The following KLF8 variants were observed in gnomAD, a reference collection of about 807,000 sequenced individuals.
KLF8 encodes the protein Krueppel-like factor 8.
A neutral mutation model predicts 18.2 loss-of-function variants in KLF8; 10 were observed. That is an observed-to-expected ratio of 0.55 (90% CI 0.34 to 0.93). KLF8 has a LOEUF of 0.93. Ranked by LOEUF, KLF8 falls within the 40% of genes least tolerant of loss-of-function variation. The pLI, the probability that KLF8 is intolerant of heterozygous loss-of-function variation, is 0.02. For synonymous variants in KLF8, 109 were observed against 97.3 expected (o/e 1.12, Z -0.71); for missense variants, 264 against 277.9 (o/e 0.95, Z 0.36).
At chrX:56,134,164 A>AT in the KLF8 span, among the ~76,000 whole-genome samples, 2 of 111,621 alleles carry the variant, frequency 1.8e-5, no homozygotes, top group African/African-American at 6.5e-5. Context: ...AGAAAAAACA[A>AT]TCTTAAAATT....
At chrX:56,027,681 C>G in the KLF8 span, among the ~76,000 whole-genome samples, 2 of 111,999 alleles carry the variant, frequency 1.8e-5, no homozygotes, top group African/African-American at 6.5e-5. Flanking sequence ...GAAGCTGCTC[C>G]CGTCTACGTA....
At chrX:56,152,843 C>T in the KLF8 span, among the ~76,000 whole-genome samples, 2 of 112,010 alleles carry the variant, frequency 1.8e-5, no homozygotes, top group Non-Finnish European at 3.8e-5. Context: ...CCTTACTATG[C>T]CCAGTAAGCC....
the KLF8 span, among the ~76,000 whole-genome samples, chrX:56,198,344 G>A: frequency 1.9e-4 from 21 of 111,816 alleles, no homozygotes; most frequent in South Asian, 3.8e-4. Flanking sequence ...TAACCCCATC[G>A]TCTCAGCCCA....
chrX:56,188,592 A>G, the KLF8 span, among the ~76,000 whole-genome samples: 8 of 112,136 alleles, frequency 7.1e-5, no homozygotes, highest in South Asian at 3.7e-4. Flanking sequence ...ACAAAGCTGG[A>G]GGCATCATGC....
At chrX:56,230,452 T>C (rs1283645148), upstream of KLF8, among the ~76,000 whole-genome samples, 1 of 112,090 alleles carries the variant, frequency 8.9e-6, no homozygotes, top group East Asian at 2.8e-4. Flanking sequence ...CACTTCTCTG[T>C]ATGATTCCAT....
chrX:56,126,412 C>T, the KLF8 span, among the ~76,000 whole-genome samples: 2 of 112,126 alleles, frequency 1.8e-5, no homozygotes, highest in Non-Finnish European at 3.8e-5. Flanking sequence ...ACTAATCACT[C>T]CTCGTCTATC....
At chrX:55,998,321 G>C in the KLF8 span, among the ~76,000 whole-genome samples, 2 of 111,202 alleles carry the variant, frequency 1.8e-5, no homozygotes, top group Non-Finnish European at 3.8e-5. Context: ...GACCCTTTAC[G>C]GGTGTCGGGC....
At chrX:55,938,053 A>C in the KLF8 span, among the ~76,000 whole-genome samples, 3 of 110,978 alleles carry the variant, frequency 2.7e-5, no homozygotes, top group African/African-American at 9.8e-5. Context: ...GAGAAGAGCA[A>C]CTCCAAGACA....
chrX:55,949,379 T>A, the KLF8 span, among the ~76,000 whole-genome samples: 2 of 100,842 alleles, frequency 2.0e-5, no homozygotes, highest in South Asian at 4.7e-4. Flanking sequence ...GTGTGTGTGA[T>A]GCTTTTAAAA....
the KLF8 span, among the ~76,000 whole-genome samples, chrX:56,115,435 T>C: frequency 1.8e-5 from 2 of 111,851 alleles, no homozygotes; most frequent in African/African-American, 6.5e-5. Context: ...ATTTTTGTTA[T>C]TGAGTCTAGG....
At chrX:56,261,281 C>T (rs2066880058) in intron 2 of KLF8, among the ~76,000 whole-genome samples, 1 of 111,615 alleles carries the variant, frequency 9.0e-6, no homozygotes, top group South Asian at 3.7e-4. Flanking sequence ...CAAACCACCC[C>T]TAAGTTTCTT....
At chrX:55,999,285 A>ATTT in the KLF8 span, among the ~76,000 whole-genome samples, 3 of 33,574 alleles carry the variant, frequency 8.9e-5, 1 homozygote, top group Admixed American at 4.7e-4. Context: ...ATGCCTCCAG[A>ATTT]TTTTTTTTTT....
At chrX:55,965,452 C>A in the KLF8 span, among the ~76,000 whole-genome samples, 23 of 111,507 alleles carry the variant, frequency 2.1e-4, no homozygotes, top group Admixed American at 1.9e-3. Context: ...ATTGCTGGAC[C>A]CCTTCCCCCT....
At chrX:56,031,535 C>T in the KLF8 span, among the ~76,000 whole-genome samples, 34 of 111,883 alleles carry the variant, frequency 3.0e-4, no homozygotes, top group East Asian at 8.4e-3. Context: ...GGGCTTGCCA[C>T]ACACTGCTCT....
chrX:56,064,398 G>T, the KLF8 span, among the ~76,000 whole-genome samples: 1 of 107,808 alleles, frequency 9.3e-6, no homozygotes, highest in African/African-American at 3.4e-5. Flanking sequence ...ACTTTTACTA[G>T]ATACGCATTT....
intron 5 of KLF8, among the ~76,000 whole-genome samples, chrX:56,279,470 G>A (rs748633866): frequency 5.4e-5 from 6 of 112,013 alleles, no homozygotes; most frequent in African/African-American, 9.7e-5. Context: ...TGTAAAAAGC[G>A]TGGCAAAAGA....
the KLF8 span, among the ~76,000 whole-genome samples, chrX:56,190,166 T>G: frequency 9.0e-6 from 1 of 111,122 alleles, no homozygotes; most frequent in Non-Finnish European, 1.9e-5. Flanking sequence ...GAAACATAAA[T>G]AAGCCACCAG....
At chrX:56,157,998 C>T in the KLF8 span, among the ~76,000 whole-genome samples, 4 of 111,587 alleles carry the variant, frequency 3.6e-5, no homozygotes, top group South Asian at 3.7e-4. Flanking sequence ...GCCTAGGTTT[C>T]CTTCTAGGGT....
the KLF8 span, among the ~76,000 whole-genome samples, chrX:56,107,767 C>G: frequency 3.0e-3 from 330 of 111,202 alleles, 3 homozygotes; most frequent in African/African-American, 0.011. Flanking sequence ...AACCAGGTAC[C>G]TCAGTTGGAA....
Sources: gnomAD v4.1 joint callset for allele counts (sites outside exome capture counted in the v4.1 genomes callset) on GRCh38, gnomAD v4.1.1 for gene constraint, MANE v1.5 for transcripts, NCBI Gene and HGNC (gene_info 2026-07-23, HGNC 2026-07-21) for gene names.